The following EXOC6B variants were observed in gnomAD, a reference collection of about 807,000 sequenced individuals.
EXOC6B encodes the protein exocyst complex component 6B.
A neutral mutation model predicts 113.5 loss-of-function variants in EXOC6B; 54 were observed. The ratio of observed to expected loss-of-function variants is 0.48; its 90% CI spans 0.38 to 0.60. The LOEUF (loss-of-function observed/expected upper bound fraction) is 0.60. Among genes scored for constraint, EXOC6B ranks in the 20% least tolerant of loss-of-function variants. The pLI is 0.00. For synonymous variants in EXOC6B, 357 were observed against 339.0 expected (o/e 1.05, Z -0.58); for missense variants, 797 against 977.5 (o/e 0.82, Z 2.46).
intron 20 of EXOC6B, among the ~76,000 whole-genome samples, chr2:72,307,390 C>T: frequency 6.6e-6 from 1 of 152,092 alleles, no homozygotes; most frequent in East Asian, 1.9e-4. Context: ...TTGTGATCCA[C>T]CTGCCTTGGC....
At chr2:72,218,772 C>T (rs540082500) in intron 20 of EXOC6B, among the ~76,000 whole-genome samples, 3 of 152,158 alleles carry the variant, frequency 2.0e-5, no homozygotes, top group South Asian at 4.2e-4. Context: ...AAGCAATTCT[C>T]CTGCCTCAGC....
chr2:72,636,046 A>G (rs368484450), intron 6 of EXOC6B, among the ~76,000 whole-genome samples: 18 of 152,250 alleles, frequency 1.2e-4, no homozygotes, highest in African/African-American at 3.6e-4. Context: ...GGCTTAGGCT[A>G]TAAGAAACAA....
chr2:72,718,049 T>C, intron 6 of EXOC6B, 54 bp downstream of exon 6: 2 of 1,359,820 alleles, frequency 1.5e-6, no homozygotes, highest in Non-Finnish European at 2.0e-6. Context: ...AAACCTGTGT[T>C]TAACTCAATA....
chr2:72,795,843 T>C (rs1210048721), intron 1 of EXOC6B, among the ~76,000 whole-genome samples: 1 of 152,050 alleles, frequency 6.6e-6, no homozygotes, highest in East Asian at 2.0e-4. Flanking sequence ...GTGTTCGTTT[T>C]TGAGACCAAG....
At chr2:72,566,574 G>T (rs1031640331) in intron 7 of EXOC6B, among the ~76,000 whole-genome samples, 10 of 151,012 alleles carry the variant, frequency 6.6e-5, no homozygotes, top group Non-Finnish European at 1.0e-4. Context: ...ACTCCTGGCT[G>T]TATGTTCAAC....
At chr2:72,300,248 C>G (rs1416345779) in intron 20 of EXOC6B, among the ~76,000 whole-genome samples, 2 of 152,204 alleles carry the variant, frequency 1.3e-5, no homozygotes, top group South Asian at 2.1e-4. Context: ...GAGAGGCAGT[C>G]TGGCCGCAGT....
chr2:72,599,614 A>G (rs1405436938), intron 6 of EXOC6B, among the ~76,000 whole-genome samples: 2 of 152,178 alleles, frequency 1.3e-5, no homozygotes, highest in South Asian at 4.1e-4. Flanking sequence ...TTTGTTTGCC[A>G]ACCACATGAT....
chr2:72,298,036 A>C (rs1686250301), intron 20 of EXOC6B, among the ~76,000 whole-genome samples: 1 of 152,130 alleles, frequency 6.6e-6, no homozygotes, highest in Non-Finnish European at 1.5e-5. Flanking sequence ...CAAGTCCTGA[A>C]TATCCTTGTT....
At chr2:72,378,976 C>T (rs893710571) in intron 19 of EXOC6B, among the ~76,000 whole-genome samples, 3 of 152,144 alleles carry the variant, frequency 2.0e-5, no homozygotes, top group African/African-American at 7.2e-5. Flanking sequence ...TGGAAGTGAT[C>T]ATATGGCAGT....
intron 18 of EXOC6B, among the ~76,000 whole-genome samples, chr2:72,407,529 C>T (rs917592873): frequency 6.6e-6 from 1 of 152,178 alleles, no homozygotes; most frequent in East Asian, 1.9e-4. Flanking sequence ...ATCAAGTGGG[C>T]TTCATCCCTG....
At chr2:72,223,595 A>G (rs927289596) in intron 20 of EXOC6B, among the ~76,000 whole-genome samples, 19 of 152,200 alleles carry the variant, frequency 1.2e-4, no homozygotes, top group African/African-American at 4.1e-4. Flanking sequence ...TTGAATTAAA[A>G]TGGTGTTTGG....
chr2:72,764,947 G>A (rs926700351), intron 1 of EXOC6B, among the ~76,000 whole-genome samples: 1 of 151,904 alleles, frequency 6.6e-6, no homozygotes, highest in African/African-American at 2.4e-5. Flanking sequence ...CCTTTCTCCT[G>A]CTCCAATCTA....
At chr2:72,599,243 G>C (rs1670255763) in intron 6 of EXOC6B, among the ~76,000 whole-genome samples, 1 of 152,078 alleles carries the variant, frequency 6.6e-6, no homozygotes, top group South Asian at 2.1e-4. Context: ...TGTAAGGCTG[G>C]TTTGACATTA....
chr2:72,785,476 T>G (rs1157383955), intron 1 of EXOC6B, among the ~76,000 whole-genome samples: 1 of 152,256 alleles, frequency 6.6e-6, no homozygotes, highest in Non-Finnish European at 1.5e-5. Context: ...TGCCTGGGCA[T>G]CCAGGCGTTT....
At chr2:72,512,438 A>C (rs1314765548) in intron 11 of EXOC6B, among the ~76,000 whole-genome samples, 2 of 150,462 alleles carry the variant, frequency 1.3e-5, no homozygotes, top group Admixed American at 6.7e-5. Flanking sequence ...GAAGGAAGGA[A>C]GGAAGGAAGG....
chr2:72,375,669 G>A (rs1691313914), intron 19 of EXOC6B, among the ~76,000 whole-genome samples: 1 of 152,072 alleles, frequency 6.6e-6, no homozygotes, highest in Admixed American at 6.5e-5. Flanking sequence ...GTAGTACTTA[G>A]ACAATAATTT....
chr2:72,451,652 G>A (rs1042583259), intron 18 of EXOC6B, among the ~76,000 whole-genome samples: 1 of 139,550 alleles, frequency 7.2e-6, no homozygotes, highest in Admixed American at 7.0e-5. Flanking sequence ...TTGTCTTTGT[G>A]CCTGTGTGTG....
chr2:72,407,514 C>T (rs190655095), intron 18 of EXOC6B, among the ~76,000 whole-genome samples: 75 of 152,290 alleles, frequency 4.9e-4, no homozygotes, highest in Middle Eastern at 3.4e-3. Flanking sequence ...AACTTATACA[C>T]CACGATCAAG....
chr2:72,362,777 T>C (rs897251064), intron 19 of EXOC6B, among the ~76,000 whole-genome samples: 2 of 152,176 alleles, frequency 1.3e-5, no homozygotes, highest in African/African-American at 4.8e-5. Flanking sequence ...GTCACCCTCC[T>C]ATTTAAAATC....
Sources: allele counts gnomAD v4.1 joint callset (sites outside exome capture counted in the v4.1 genomes callset), GRCh38; gene constraint gnomAD v4.1.1; transcripts MANE v1.5; gene names NCBI Gene and HGNC (gene_info 2026-07-23, HGNC 2026-07-21).